Variants in PGBD5 observed in about 807,000 individuals in gnomAD.
PGBD5 encodes piggyBac transposable element-derived protein 5.
PGBD5 carries 14 observed loss-of-function variants against 47.9 expected under a neutral mutation model. The ratio of observed to expected loss-of-function variants is 0.29; its 90% confidence interval spans 0.19 to 0.46. PGBD5 has a LOEUF of 0.46. Among genes scored for constraint, PGBD5 ranks in the 20% least tolerant of loss-of-function variants. The pLI is 1.00. For missense variants in PGBD5, 635 were observed against 716.0 expected (o/e 0.89, Z 1.29); for synonymous variants, 316 against 306.3 (o/e 1.03, Z -0.33).
chr1:230,381,205 A>C (rs1188285973), intron 1 of PGBD5, among the ~76,000 whole-genome samples: 1 of 152,224 alleles, frequency 6.6e-6, no homozygotes, highest in Non-Finnish European at 1.5e-5. Context: ...CCAGCACTGA[A>C]CCCAAGTTCT....
chr1:230,336,038 C>T (rs934942526), intron 4 of PGBD5: 1 of 152,118 alleles, frequency 6.6e-6, no homozygotes, highest in Non-Finnish European at 1.5e-5. Context: ...AAACATCACA[C>T]TCGCAGTACC....
chr1:230,422,833 G>A (rs898128470), intron 1 of PGBD5, among the ~76,000 whole-genome samples: 2 of 152,028 alleles, frequency 1.3e-5, no homozygotes, highest in Non-Finnish European at 2.9e-5. Context: ...GGCTGGCACG[G>A]GAACTAGCAC....
At chr1:230,404,151 T>C (rs1034137178) in intron 1 of PGBD5, among the ~76,000 whole-genome samples, 3 of 151,822 alleles carry the variant, frequency 2.0e-5, no homozygotes, top group African/African-American at 7.3e-5. Context: ...TCCTGAGACC[T>C]GGGAGGAAAA....
Position 230,348,626 on chromosome 1 carries a change from A to T in PGBD5, c.894+2332T>A, listed in dbSNP as rs115304477. Among the ~76,000 whole-genome samples the T allele has an allele frequency of 3.8e-3, 578 of 152,262 alleles. 4 individuals are homozygous for T. Among genetic ancestry groups the T allele is most frequent in the African/African-American group, 0.013 (542 of 41,560 alleles). On this transcript the variant is annotated intron_variant, in intron 3 of 6. Coordinates refer to ENST00000391860, the MANE Select transcript of PGBD5 (RefSeq NM_001258311.2). ...GACCTTCAAAAGCTGTCAAACCAAG[A>T]TTAGCACCTGGAGAACCAAGAAAAG...
At chr1:230,375,642 T>C (rs1172529964) in intron 1 of PGBD5, among the ~76,000 whole-genome samples, 1 of 148,814 alleles carries the variant, frequency 6.7e-6, no homozygotes, top group East Asian at 2.0e-4. Context: ...CATCTGAGCT[T>C]CCTATTTGAC....
intron 5 of PGBD5, among the ~76,000 whole-genome samples, chr1:230,331,866 C>T (rs1335237001): frequency 6.6e-6 from 1 of 151,952 alleles, no homozygotes; most frequent in Non-Finnish European, 1.5e-5. Flanking sequence ...ACAACCAAAT[C>T]GAGTATTGAT....
At chr1:230,387,233 C>A (rs552650983) in intron 1 of PGBD5, among the ~76,000 whole-genome samples, 1 of 152,290 alleles carries the variant, frequency 6.6e-6, no homozygotes, top group African/African-American at 2.4e-5. Context: ...CGCTTTGAAG[C>A]TTTTCATGTT....
chr1:230,358,177 C>A (rs1005240530), intron 1 of PGBD5, among the ~76,000 whole-genome samples: 1 of 152,136 alleles, frequency 6.6e-6, no homozygotes, highest in Admixed American at 6.5e-5. Context: ...TCACACAGGG[C>A]TCCTCCCTCC....
At chr1:230,363,376 G>T (rs919894402) in intron 1 of PGBD5, among the ~76,000 whole-genome samples, 1 of 152,186 alleles carries the variant, frequency 6.6e-6, no homozygotes, top group Non-Finnish European at 1.5e-5. Context: ...GAGGTCAGGA[G>T]TTCGAGACCA....
chr1:230,415,540 T>C (rs1349329855), intron 1 of PGBD5, among the ~76,000 whole-genome samples: 1 of 152,214 alleles, frequency 6.6e-6, no homozygotes, highest in Non-Finnish European at 1.5e-5. Context: ...ATTTATCTAC[T>C]GGCTTCCTGT....
chr1:230,369,273 G>A (rs1667890983), intron 1 of PGBD5, among the ~76,000 whole-genome samples: 3 of 152,234 alleles, frequency 2.0e-5, no homozygotes, highest in Admixed American at 1.3e-4. Context: ...GCAATGTCAA[G>A]GTTATACATT....
chr1:230,350,925 A>G, intron 3 of PGBD5, 33 bp downstream of exon 3: 1 of 1,607,966 alleles, frequency 6.2e-7, no homozygotes, highest in East Asian at 2.2e-5. Context: ...GACCCTCTTC[A>G]CCGACCCTCC....
chr1:230,370,332 T>G (rs1239246511), intron 1 of PGBD5, among the ~76,000 whole-genome samples: 1 of 152,182 alleles, frequency 6.6e-6, no homozygotes, highest in Non-Finnish European at 1.5e-5. Context: ...GACTCTGCCC[T>G]TCAGGTCCCA....
At chr1:230,394,304 C>T (rs531282832) in intron 1 of PGBD5, among the ~76,000 whole-genome samples, 2 of 151,856 alleles carry the variant, frequency 1.3e-5, no homozygotes, top group South Asian at 4.2e-4. Context: ...TCTGACTCTG[C>T]CCTTCTATTG....
At chr1:230,383,993 G>C (rs1047980357) in intron 1 of PGBD5, among the ~76,000 whole-genome samples, 3 of 151,968 alleles carry the variant, frequency 2.0e-5, no homozygotes, top group African/African-American at 7.3e-5. Context: ...AGTGGTGATG[G>C]AACCCAGAGA....
At chr1:230,329,911 GAGA>G (rs1203756064) in intron 5 of PGBD5, among the ~76,000 whole-genome samples, 1 of 152,218 alleles carries the variant, frequency 6.6e-6, no homozygotes, top group Non-Finnish European at 1.5e-5. Context: ...GGACAGAGCA[GAGA>G]CCTAAAGCAT....
At position 230,333,066 on chromosome 1, in the gene PGBD5, G is replaced by C. The variant is rs368660584; in HGVS notation, c.1076-25C>G. ...CCTGAGGGGAGAGGGAGGAAGGATC[G>C]CACACTCACCACCATCGGAGATGCC... On this transcript the variant is annotated intron_variant, in intron 4 of 6. Coordinates refer to ENST00000391860, the MANE Select transcript of PGBD5 (RefSeq NM_001258311.2). The C allele has an allele frequency of 5.4e-5, 84 of 1,567,998 alleles. 1 individual carries two copies. In the African/African-American group the frequency reaches 1.0e-3, roughly 19 times the overall value.
At chr1:230,412,378 T>C (rs902155333) in intron 1 of PGBD5, among the ~76,000 whole-genome samples, 1 of 149,578 alleles carries the variant, frequency 6.7e-6, no homozygotes, top group South Asian at 2.1e-4. Flanking sequence ...AAATGGATCA[T>C]CCTAAAGTCT....
chr1:230,387,639 A>G (rs550620848), intron 1 of PGBD5, among the ~76,000 whole-genome samples: 2 of 152,342 alleles, frequency 1.3e-5, no homozygotes, highest in East Asian at 3.9e-4. Flanking sequence ...ATTCAGAGAC[A>G]CAGAGAGGCC....
Sources: gnomAD v4.1 joint callset for allele counts (sites outside exome capture counted in the v4.1 genomes callset) on GRCh38, gnomAD v4.1.1 for gene constraint, MANE v1.5 for transcripts, NCBI Gene and HGNC (gene_info 2026-07-23, HGNC 2026-07-21) for gene names.